The following COPB2 variants were observed in gnomAD, a reference collection of about 807,000 sequenced individuals.
COPB2 encodes the protein coat protein complex I subunit beta 2.
Under a neutral mutation model 120.8 loss-of-function variants are expected in COPB2, and 16 were observed. That is an observed-to-expected ratio of 0.13 (90% CI 0.09 to 0.20). The LOEUF (loss-of-function observed/expected upper bound fraction) is 0.20, where lower values mean the gene tolerates loss of function less well. COPB2 is among the 10% of genes least tolerant of loss of function. The pLI is 1.00. For synonymous variants in COPB2, 332 were observed against 366.3 expected, an observed-to-expected ratio of 0.91 and a Z score of 1.07; for missense variants, 794 against 1,076.5, an observed-to-expected ratio of 0.74 and a Z score of 3.67.
Position 139,362,537 on chromosome 3 carries a change from T to TTA in COPB2, c.1885-22_1885-21dup, listed in dbSNP as rs572765652. On this transcript the variant is annotated intron_variant, in intron 15 of 21. Transcript: ENST00000333188. The stretch of plus-strand genomic sequence containing the variant: ...GAAGCCCTAAACAGATTTTTAAAAA[T>TTA]TATATATATTTATGCATACAAAAAT... The TTA allele has an allele frequency of 1.3e-6, 2 of 1,489,460 alleles. No homozygotes were observed. Among genetic ancestry groups the TTA allele is most frequent in the South Asian group, 2.4e-5 (2 of 82,112 alleles). The allele number at this position is 1,489,460 out of a possible 1,614,324, so 92.3% of individuals were successfully genotyped here. A position where few individuals can be genotyped will look rare whatever the true frequency, so the allele number is the denominator to read the frequency against.
At position 139,357,650 on chromosome 3, in the gene COPB2, T is replaced by C. The variant is rs1941315528; in HGVS notation, c.*213A>G. 1 of 394,588 alleles carries C rather than the reference T, an allele frequency of 2.5e-6. No homozygotes were observed. The highest frequency in any genetic ancestry group is 4.5e-6 in the Non-Finnish European group (1 of 223,256). 24.4% of individuals were successfully genotyped at this position (394,588 alleles called of 1,614,324 possible). A position where few individuals can be genotyped will look rare whatever the true frequency, so the allele number is the denominator to read the frequency against. ...AGTATGAAAAAAATCAAAGCCCATG[T>C]CTGTTTTAGTTAACAAGGAAAACAC... On this transcript the variant is annotated 3_prime_UTR_variant, in exon 22 of 22. Transcript: ENST00000333188.
intron 17 of COPB2, among the ~76,000 whole-genome samples, chr3:139,360,534 AAAGG>A (rs1941398237): frequency 6.6e-6 from 1 of 151,896 alleles, no homozygotes; most frequent in Admixed American, 6.6e-5. Context: ...AAAAAAAAAA[AAAGG>A]AAAGAATACT....
At chr3:139,357,991 T>A in intron 21 of COPB2, 33 bp from the exon 22 acceptor site, 1 of 1,302,964 alleles carries the variant, frequency 7.7e-7, no homozygotes, top group Non-Finnish European at 1.1e-6. Flanking sequence ...AATTAAGTTT[T>A]ACAGTACTGT....
At chr3:139,363,659 A>G (rs1941466192) in intron 15 of COPB2, among the ~76,000 whole-genome samples, 1 of 152,164 alleles carries the variant, frequency 6.6e-6, no homozygotes, top group African/African-American at 2.4e-5. Context: ...GGGATAGTTT[A>G]CCTCTTCACC....
intron 4 of COPB2, 95 bp downstream of exon 4, chr3:139,378,949 AATT>A: frequency 7.7e-7 from 1 of 1,302,654 alleles, no homozygotes; most frequent in Non-Finnish European, 1.0e-6. Context: ...TTGGAATTAG[AATT>A]ATATTTGTAA....
At chr3:139,383,015 G>T in intron 2 of COPB2, 1 of 381,588 alleles carries the variant, frequency 2.6e-6, no homozygotes, top group Non-Finnish European at 4.8e-6. Context: ...TTTAGCAAGT[G>T]ATTCTATAAT....
intron 13 of COPB2, 37 bp from the exon 14 acceptor site, chr3:139,367,182 A>T: frequency 6.2e-7 from 1 of 1,603,654 alleles, no homozygotes; most frequent in Admixed American, 1.7e-5. Context: ...ACTTTATCCA[A>T]CATCAGAAAT....
In COPB2 at chr3:139,369,464, C is replaced by A; in HGVS notation, c.1286G>T (p.Gly429Val). 1 of 1,611,024 alleles carries A rather than the reference C, an allele frequency of 6.2e-7. No individual in the cohort carries two copies. Among genetic ancestry groups the A allele is most frequent in the Non-Finnish European group, 8.5e-7 (1 of 1,178,502 alleles). ...ATGTAGATCACACTCACTTTCTGCT[C>A]CAAAATCTGGTTTAAATGATTTTTT... The part of the protein sequence containing the change: ...KEKKSFKPDF[G>V]AESIYGGFLL... The change falls in exon 11 of 22, where the codon GGA (glycine) becomes GTA (valine). Residue 429 changes from glycine to valine, a missense_variant. Transcript: ENST00000333188.
At chr3:139,379,492 A>G in intron 2 of COPB2, 26 bp from the exon 3 acceptor site, 1 of 1,582,218 alleles carries the variant, frequency 6.3e-7, no homozygotes. Context: ...AGAATACACA[A>G]ATTGAGCTAT....
At chr3:139,377,299 A>G (rs1941731121) in intron 5 of COPB2, among the ~76,000 whole-genome samples, 1 of 152,228 alleles carries the variant, frequency 6.6e-6, no homozygotes, top group African/African-American at 2.4e-5. Context: ...TGGGATAAGC[A>G]TAACTGGCTC....
chr3:139,379,288 A>T, intron 3 of COPB2, 92 bp downstream of exon 3: 1 of 1,565,702 alleles, frequency 6.4e-7, no homozygotes, highest in Non-Finnish European at 8.8e-7. Flanking sequence ...TGTAAATAAC[A>T]AAACAAATCG....
intron 1 of COPB2, among the ~76,000 whole-genome samples, chr3:139,386,501 C>T (rs1941924686): frequency 6.6e-6 from 1 of 152,162 alleles, no homozygotes; most frequent in Non-Finnish European, 1.5e-5. Context: ...GTGATCCACC[C>T]ACCTCGGTCT....
chr3:139,382,174 G>A (rs900220152), intron 2 of COPB2: 6 of 152,162 alleles, frequency 3.9e-5, no homozygotes, highest in African/African-American at 1.4e-4. Flanking sequence ...ATGTCAAATT[G>A]GAGGAGGACC....
At chr3:139,388,200 T>C (rs1362193836) in intron 1 of COPB2, 2 of 152,066 alleles carry the variant, frequency 1.3e-5, no homozygotes, top group Non-Finnish European at 2.9e-5. Context: ...TAGTTAGTAA[T>C]ACGAAGTGCT....
chr3:139,362,866 C>G (rs1379860346), intron 15 of COPB2, among the ~76,000 whole-genome samples: 1 of 151,978 alleles, frequency 6.6e-6, no homozygotes, highest in Admixed American at 6.6e-5. Context: ...GTTGACTAAA[C>G]AAGAATCATT....
chr3:139,383,245 AAC>A (rs1186204177), intron 2 of COPB2, 51 bp downstream of exon 2: 4 of 1,586,968 alleles, frequency 2.5e-6, no homozygotes, highest in East Asian at 4.5e-5. Context: ...TTTCATTATA[AAC>A]ACAGTCTCAC....
chr3:139,374,630 CAT>C, intron 6 of COPB2, 42 bp from the exon 7 acceptor site: 1 of 1,534,852 alleles, frequency 6.5e-7, no homozygotes, highest in Non-Finnish European at 9.0e-7. Context: ...TAATGAAAAA[CAT>C]GTAACCAGCC....
At chr3:139,374,683 T>C (rs1013869469) in intron 6 of COPB2, 95 bp from the exon 7 acceptor site, 23 of 850,790 alleles carry the variant, frequency 2.7e-5, no homozygotes, top group African/African-American at 5.2e-5. Flanking sequence ...TTATAAATGA[T>C]AGTAGTCATG....
chr3:139,358,244 TAGG>T lies in COPB2; in HGVS notation c.2578_2580del (p.Pro860del), dbSNP rs751437615. On this transcript the variant is annotated inframe_deletion, in exon 21 of 22. Coordinates refer to ENST00000333188, the MANE Select transcript of COPB2 (RefSeq NM_004766.3). The stretch of plus-strand genomic sequence containing the variant: ...GTGTGGGAGGCCACAATAACCGGAG[TAGG>T]AGAAGCAGGTTTCCCATCAAGTTCC... 5.4e-5 allele frequency: 87 copies of T among 1,613,930 alleles called. No homozygotes were observed. In the African/African-American group the frequency reaches 1.0e-3, roughly 19 times the overall value.
Sources: gnomAD v4.1 joint callset for allele counts (sites outside exome capture counted in the v4.1 genomes callset) on GRCh38, gnomAD v4.1.1 for gene constraint, MANE v1.5 for transcripts, NCBI Gene and HGNC (gene_info 2026-07-23, HGNC 2026-07-21) for gene names.